The following ZBTB16 variants were observed in gnomAD, a reference collection of about 807,000 sequenced individuals.
ZBTB16 encodes the protein zinc finger and BTB domain-containing protein 16.
In ZBTB16, 8 loss-of-function variants were observed where a neutral mutation model predicts 56.8. The observed-to-expected ratio is 0.14, with a 90% CI of 0.08 to 0.25. The LOEUF is 0.25. Ranked by LOEUF, ZBTB16 falls within the 10% of genes least tolerant of loss-of-function variation. ZBTB16 has a pLI of 1.00. For synonymous variants in ZBTB16, 363 were observed against 368.5 expected (o/e 0.98, Z 0.17); for missense variants, 625 against 903.0 (o/e 0.69, Z 3.95).
chr11:114,145,154 C>T (rs887662810), intron 2 of ZBTB16, among the ~76,000 whole-genome samples: 2 of 152,216 alleles, frequency 1.3e-5, no homozygotes, highest in Non-Finnish European at 2.9e-5. Context: ...AATCTTTATT[C>T]ATTTATTCAC....
rs1280477325 is a variant in ZBTB16, at chr11:114,063,829, C to T, written c.529C>T (p.Pro177Ser). 2 of 1,614,140 alleles carry T rather than the reference C, an allele frequency of 1.2e-6. No individual in the cohort carries two copies. Among genetic ancestry groups the T allele is most frequent in the Admixed American group, 1.7e-5 (1 of 60,026 alleles). ...TGCCAGTGTGGCTGGACAGAGCCTCCCTGGGCCCATGGTGGACCAGAGCCC... is the reference window on the plus strand; with the variant it reads ...TGCCAGTGTGGCTGGACAGAGCCTCTCTGGGCCCATGGTGGACCAGAGCCC... ...GYASVAGQSL[P>S]GPMVDQSPSV... is the part of the protein sequence containing the mutation. Residue 177 changes from proline (P) to serine (S), a missense_variant, in exon 2 of 7, where the codon CCT (proline) becomes TCT (serine). By Grantham distance (74) the Pro-to-Ser change is moderately conservative (BLOSUM62 -1). Coordinates refer to ENST00000335953, the MANE Select transcript of ZBTB16 (RefSeq NM_006006.6). This position sits in a 1 kb window ranked among gnomAD's most constrained non-coding sequence, Gnocchi z 6.5.
intron 2 of ZBTB16, among the ~76,000 whole-genome samples, chr11:114,128,986 G>T (rs976219693): frequency 3.3e-5 from 5 of 152,182 alleles, no homozygotes; most frequent in African/African-American, 1.2e-4. Flanking sequence ...TCAGTGGCGG[G>T]TTGGGAGGGA....
intron 2 of ZBTB16, among the ~76,000 whole-genome samples, chr11:114,105,448 C>T (rs1940757318): frequency 1.3e-5 from 2 of 152,142 alleles, no homozygotes; most frequent in African/African-American, 2.4e-5. Flanking sequence ...CCGTGTTGGC[C>T]AGGCTGGTCT....
chr11:114,184,414 C>A (rs1943318590), intron 3 of ZBTB16, among the ~76,000 whole-genome samples: 1 of 152,164 alleles, frequency 6.6e-6, no homozygotes, highest in Non-Finnish European at 1.5e-5. Context: ...TTTCCAACCC[C>A]AAAGCCCTGA....
intron 2 of ZBTB16, among the ~76,000 whole-genome samples, chr11:114,121,184 A>G (rs1941332286): frequency 6.6e-6 from 1 of 152,208 alleles, no homozygotes; most frequent in South Asian, 2.1e-4. Flanking sequence ...AATCCAGGTG[A>G]GAAACACCAG....
At chr11:114,079,182 G>A (rs7101967) in intron 2 of ZBTB16, among the ~76,000 whole-genome samples, 7,993 of 151,848 alleles carry the variant, frequency 0.053, 701 homozygotes, top group African/African-American at 0.18. Context: ...TGTATGTCTT[G>A]GGCAAGTGGC....
At chr11:114,238,188 C>A (rs1266201246) in intron 4 of ZBTB16, among the ~76,000 whole-genome samples, 1 of 152,226 alleles carries the variant, frequency 6.6e-6, no homozygotes, top group Non-Finnish European at 1.5e-5. Flanking sequence ...GGTCCCTACC[C>A]TCCTCCAGTG....
chr11:114,163,651 C>G (rs1246320452), intron 3 of ZBTB16, among the ~76,000 whole-genome samples: 1 of 152,210 alleles, frequency 6.6e-6, no homozygotes, highest in East Asian at 1.9e-4. Context: ...CACCAGTTCT[C>G]TCCCACCCCT....
At chr11:114,163,562 TC>T (rs1942656976) in intron 3 of ZBTB16, among the ~76,000 whole-genome samples, 1 of 152,028 alleles carries the variant, frequency 6.6e-6, no homozygotes, top group Non-Finnish European at 1.5e-5. Context: ...CGTGCCTGGG[TC>T]CCCCGGTCCT....
At chr11:114,162,485 T>C (rs1350099763) in intron 3 of ZBTB16, among the ~76,000 whole-genome samples, 2 of 152,130 alleles carry the variant, frequency 1.3e-5, no homozygotes, top group African/African-American at 2.4e-5. Context: ...ATCTTGTCTC[T>C]CCTCCCATTC....
At chr11:114,190,692 T>G (rs619151) in intron 4 of ZBTB16, among the ~76,000 whole-genome samples, 112,928 of 151,610 alleles carry the variant, frequency 0.74, 43,021 homozygotes, top group African/African-American at 0.9. Flanking sequence ...CCAGTGTCAG[T>G]AAGAGTCACT....
Position 114,255,789 on chromosome 11 carries a change from G to A in ZBTB16, c.*5234G>A, listed in dbSNP as rs1944996068. 6.6e-6 allele frequency among the ~76,000 whole-genome samples: 1 copy of A among 150,446 alleles called. No individual in the cohort carries two copies. On this transcript the variant is annotated 3_prime_UTR_variant, in exon 7 of 7. Transcript: ENST00000335953. ...TGCAGGTTTTTTTCTCTCTCCATGT[G>A]TCACTAAGTGAAGTTTGTGCCTTCT...
intron 4 of ZBTB16, among the ~76,000 whole-genome samples, chr11:114,219,916 A>G (rs1944193272): frequency 6.6e-6 from 1 of 152,148 alleles, no homozygotes; most frequent in South Asian, 2.1e-4. Flanking sequence ...AAACCAGGCC[A>G]CAGGACTGGG....
chr11:114,227,353 T>C (rs1944348252), intron 4 of ZBTB16, among the ~76,000 whole-genome samples: 1 of 152,248 alleles, frequency 6.6e-6, no homozygotes, highest in Non-Finnish European at 1.5e-5. Flanking sequence ...GATGTCATGC[T>C]GACGGAGCCC....
chr11:114,118,127 A>G lies in ZBTB16; in HGVS notation c.1269-38210A>G, dbSNP rs145525082. ...TTTGAATCTAACTGCATATTTGATT[A>G]CTTTCTAAAATCCACAGGGTCTAGA... On this transcript the variant is annotated intron_variant, in intron 2 of 6. Coordinates refer to ENST00000335953, the MANE Select transcript of ZBTB16 (RefSeq NM_006006.6). Among the ~76,000 whole-genome samples the G allele has an allele frequency of 4.8e-3, 729 of 152,340 alleles. 3 individuals are homozygous for G. Among genetic ancestry groups the G allele is most frequent in the Non-Finnish European group, 7.3e-3 (499 of 68,028 alleles).
chr11:114,149,240 A>T (rs145669311), intron 2 of ZBTB16, among the ~76,000 whole-genome samples: 89 of 152,302 alleles, frequency 5.8e-4, no homozygotes, highest in African/African-American at 1.9e-3. Context: ...TATTTAATGG[A>T]TATCTGCAGA....
intron 6 of ZBTB16, among the ~76,000 whole-genome samples, chr11:114,249,791 AG>A (rs1565709790): frequency 1.4e-5 from 2 of 142,060 alleles, no homozygotes; most frequent in Non-Finnish European, 3.1e-5. Flanking sequence ...AAAAAAAAAG[AG>A]AGCTTTAGCA....
chr11:114,095,716 C>T (rs930278606), intron 2 of ZBTB16, among the ~76,000 whole-genome samples: 1 of 152,136 alleles, frequency 6.6e-6, no homozygotes, highest in Non-Finnish European at 1.5e-5. Context: ...AGGCTCAGGC[C>T]TAGGGGGTTA....
chr11:114,221,234 T>G (rs967165277), intron 4 of ZBTB16, among the ~76,000 whole-genome samples: 2 of 151,904 alleles, frequency 1.3e-5, no homozygotes, highest in African/African-American at 4.8e-5. Context: ...CTGGAGAGAG[T>G]TTTCTTTCTA....
Sources: allele counts gnomAD v4.1 joint callset (sites outside exome capture counted in the v4.1 genomes callset), GRCh38; gene constraint gnomAD v4.1.1; non-coding constraint Gnocchi (gnomAD v3.1); transcripts MANE v1.5; gene names NCBI Gene and HGNC (gene_info 2026-07-23, HGNC 2026-07-21).